Variants in ITPK1 observed in about 807,000 individuals in gnomAD.
ITPK1 encodes the protein inositol 1,3,4-trisphosphate 5/6-kinase.
In ITPK1, 21 loss-of-function variants were observed where a neutral mutation model predicts 45.3. That is an observed-to-expected ratio of 0.46 (90% CI 0.33 to 0.67). The LOEUF (loss-of-function observed/expected upper bound fraction) is 0.67, where lower values mean the gene tolerates loss of function less well. ITPK1 is among the 30% of genes least tolerant of loss of function. The pLI, the probability that ITPK1 is intolerant of heterozygous loss-of-function variation, is 0.02. For missense variants in ITPK1, 474 were observed against 573.5 expected (o/e 0.83, Z 1.77); for synonymous variants, 258 against 253.6 (o/e 1.02, Z -0.16).
intron 3 of ITPK1, among the ~76,000 whole-genome samples, chr14:93,074,116 A>G (rs564338445): frequency 6.6e-6 from 1 of 152,322 alleles, no homozygotes; most frequent in Non-Finnish European, 1.5e-5. Flanking sequence ...ATGTCTTAAA[A>G]TCTAAAAGTT....
intron 3 of ITPK1, among the ~76,000 whole-genome samples, chr14:93,026,660 C>T (rs1888746847): frequency 6.6e-6 from 1 of 152,232 alleles, no homozygotes; most frequent in Non-Finnish European, 1.5e-5. Flanking sequence ...TGCACTCACA[C>T]ACATTGCTGC....
chr14:93,051,486 C>A (rs1242755917), intron 3 of ITPK1, among the ~76,000 whole-genome samples: 1 of 152,172 alleles, frequency 6.6e-6, no homozygotes, highest in Non-Finnish European at 1.5e-5. Flanking sequence ...CTTGGTGGCG[C>A]ATGCCTGTAA....
rs1037846368 is a variant in ITPK1, at chr14:93,038,378, C to A, written c.121-21577G>T. ...AAAGCATTATCATTAAAAGGTAAAT[C>A]AAGCATAATTTATTTAATCAATTCC... is the stretch of plus-strand genomic sequence containing the variant. On this transcript the variant is annotated intron_variant, in intron 3 of 10. Coordinates refer to ENST00000267615, the MANE Select transcript of ITPK1 (RefSeq NM_014216.6). Among the ~76,000 whole-genome samples, 3 of 152,240 alleles carry A rather than the reference C, an allele frequency of 2.0e-5. No individual in the cohort carries two copies. In the South Asian group the frequency reaches 6.2e-4, roughly 32 times the overall value.
chr14:92,976,252 C>T (rs1885933817), intron 5 of ITPK1, among the ~76,000 whole-genome samples: 1 of 152,214 alleles, frequency 6.6e-6, no homozygotes, highest in African/African-American at 2.4e-5. Context: ...CTATTTCTTA[C>T]ATGCTTCTTT....
chr14:93,115,061 C>T lies in ITPK1; in HGVS notation c.95+8G>A, dbSNP rs759790002. 6 of 1,584,566 alleles carry T rather than the reference C, an allele frequency of 3.8e-6. No homozygotes were observed. Among genetic ancestry groups the T allele is most frequent in the African/African-American group, 1.4e-5 (1 of 71,952 alleles). On this transcript the variant is annotated splice_region_variant and intron_variant, in intron 2 of 10. Coordinates refer to ENST00000267615, the MANE Select transcript of ITPK1 (RefSeq NM_014216.6). ...GTCCCCGGGCGCCGGCGCCGCGTCC[C>T]TCCTTACCTGCACAGCTCGGCGAAG...
At chr14:93,080,736 A>C (rs1891401791) in intron 2 of ITPK1, among the ~76,000 whole-genome samples, 1 of 152,038 alleles carries the variant, frequency 6.6e-6, no homozygotes, top group Non-Finnish European at 1.5e-5. Flanking sequence ...TAACAATAAA[A>C]GTTACATTTT....
intron 3 of ITPK1, among the ~76,000 whole-genome samples, chr14:93,019,804 G>A (rs1888376204): frequency 6.6e-6 from 1 of 152,198 alleles, no homozygotes; most frequent in African/African-American, 2.4e-5. Flanking sequence ...ACACTGTGCA[G>A]GGGGATGCCC....
At chr14:92,961,158 G>A (rs1186728399) in intron 7 of ITPK1, among the ~76,000 whole-genome samples, 2 of 152,266 alleles carry the variant, frequency 1.3e-5, no homozygotes, top group East Asian at 3.8e-4. Flanking sequence ...CTTCCCCAGA[G>A]AGCCCACTCC....
intron 2 of ITPK1, among the ~76,000 whole-genome samples, chr14:93,087,363 T>C (rs973057110): frequency 3.3e-5 from 5 of 152,180 alleles, no homozygotes; most frequent in African/African-American, 1.2e-4. Context: ...CCTTCACATC[T>C]GTAAGCCAAG....
intron 3 of ITPK1, among the ~76,000 whole-genome samples, chr14:93,037,565 CG>C (rs1199004998): frequency 6.6e-6 from 1 of 152,126 alleles, no homozygotes; most frequent in Non-Finnish European, 1.5e-5. Context: ...CACTTCACAA[CG>C]GGAGTCCAAG....
chr14:93,010,935 C>T (rs562709486), intron 4 of ITPK1, among the ~76,000 whole-genome samples: 33 of 152,216 alleles, frequency 2.2e-4, no homozygotes, highest in Admixed American at 1.2e-3. Context: ...TCACACCATG[C>T]CAGGCATTCA....
At chr14:93,029,337 T>C (rs1888914129) in intron 3 of ITPK1, among the ~76,000 whole-genome samples, 1 of 152,106 alleles carries the variant, frequency 6.6e-6, no homozygotes, top group Non-Finnish European at 1.5e-5. Context: ...CTGAGCTTAG[T>C]TGTGTCTGTG....
intron 3 of ITPK1, among the ~76,000 whole-genome samples, chr14:93,051,484 C>T (rs774330814): frequency 1.2e-4 from 18 of 152,122 alleles, no homozygotes; most frequent in Non-Finnish European, 2.1e-4. Flanking sequence ...GGCTTGGTGG[C>T]GCATGCCTGT....
rs534742999 is a variant in ITPK1, at chr14:93,095,992, T to G, written c.95+19077A>C. ...TTGTGGGGTAATTTGATGAGAGCCTTTGCCTTCTACCTCCTGTAAAATAAT... is the reference window on the plus strand; with the variant it reads ...TTGTGGGGTAATTTGATGAGAGCCTGTGCCTTCTACCTCCTGTAAAATAAT... On this transcript the variant is annotated intron_variant, in intron 2 of 10. Coordinates refer to ENST00000267615, the MANE Select transcript of ITPK1 (RefSeq NM_014216.6). Among the ~76,000 whole-genome samples the G allele has an allele frequency of 1.2e-4, 19 of 152,246 alleles. No individual in the cohort carries two copies. The East Asian group carries it at 3.7e-3, about 29-fold the overall frequency.
intron 2 of ITPK1, among the ~76,000 whole-genome samples, chr14:93,096,984 G>T (rs530859558): frequency 6.6e-6 from 1 of 152,246 alleles, no homozygotes; most frequent in East Asian, 1.9e-4. Flanking sequence ...ACAATACCTG[G>T]GTCGGTAGAG....
chr14:93,093,831 C>A (rs112650193), intron 2 of ITPK1, among the ~76,000 whole-genome samples: 8 of 152,360 alleles, frequency 5.3e-5, no homozygotes, highest in African/African-American at 1.9e-4. Flanking sequence ...TCCAATCCCA[C>A]AAGCCCCTGG....
intron 2 of ITPK1, among the ~76,000 whole-genome samples, chr14:93,104,358 G>A (rs1049756018): frequency 1.2e-4 from 18 of 152,140 alleles, no homozygotes; most frequent in African/African-American, 3.6e-4. Flanking sequence ...GTGTGATGGC[G>A]GGTGCCTGTA....
At position 92,941,857 on chromosome 14, in the gene ITPK1, C is replaced by T. The variant is rs374685979; in HGVS notation, c.949G>A (p.Ala317Thr). 1.5e-4 allele frequency: 244 copies of T among 1,612,600 alleles called. No homozygotes were observed. The highest frequency in any genetic ancestry group is 3.6e-4 in the East Asian group (16 of 44,868). The change falls in exon 11 of 11, where the codon GCC (alanine) becomes ACC (threonine). Residue 317 changes from alanine (A) to threonine (T), a missense_variant. By Grantham distance (58) the Ala-to-Thr change is moderately conservative (BLOSUM62 0). Coordinates refer to ENST00000267615, the MANE Select transcript of ITPK1 (RefSeq NM_014216.6). ...EFFTDLLNHI[A>T]TVLQGQSTAM... ...GTGCTCTGGCCCTGCAGGACAGTGG[C>T]GATGTGGTTCAGGAGGTCTGTGAAG... is the stretch of plus-strand genomic sequence containing the variant.
In ITPK1 at chr14:93,018,533, G is replaced by GA. The variant is rs112033187; in HGVS notation, c.121-1733dup. Reference sequence around the variant, plus strand: ...GATGTTAAGGGATTTCCCCTATATAGAAAAAAAAAATATCCTTTAGACCTC... The same window carrying GA: ...GATGTTAAGGGATTTCCCCTATATAGAAAAAAAAAAATATCCTTTAGACCTC... On this transcript the variant is annotated intron_variant, in intron 3 of 10. Transcript: ENST00000267615. 7.4e-4 allele frequency among the ~76,000 whole-genome samples: 110 copies of GA among 149,508 alleles called. 1 individual carries two copies. The highest frequency in any genetic ancestry group is 2.0e-3 in the African/African-American group (81 of 40,816).
Sources: gnomAD v4.1 joint callset for allele counts (sites outside exome capture counted in the v4.1 genomes callset) on GRCh38, gnomAD v4.1.1 for gene constraint, MANE v1.5 for transcripts, NCBI Gene and HGNC (gene_info 2026-07-23, HGNC 2026-07-21) for gene names.